Variants in FBXO34 observed in about 807,000 individuals in gnomAD.
FBXO34 encodes F-box protein 34.
FBXO34 carries 12 observed loss-of-function variants against 24.5 expected under a neutral mutation model. The ratio of observed to expected loss-of-function variants is 0.49; its 90% CI spans 0.31 to 0.79. The LOEUF is 0.79. FBXO34 is among the 30% of genes least tolerant of loss of function. The probability of loss-of-function intolerance (pLI) is 0.04; values close to 1 mark genes in which losing one functional copy is unlikely to be tolerated. For synonymous variants in FBXO34, 320 were observed against 311.9 expected (o/e 1.03, Z -0.27); for missense variants, 823 against 857.7 (o/e 0.96, Z 0.51).
In FBXO34 at chr14:55,341,112, AG is replaced by A. The variant is rs541812294; in HGVS notation, c.-10-9267del. On this transcript the variant is annotated intron_variant, in intron 1 of 1. Coordinates refer to ENST00000313833, the MANE Select transcript of FBXO34 (RefSeq NM_017943.4). ...AGCGGGGTCTTGCAGCAAAGGAAAG[AG>A]GTTGGGCTCAACTCCAAATACATCA... is the stretch of plus-strand genomic sequence containing the variant. Among the ~76,000 whole-genome samples, 1,045 of 152,312 alleles carry A rather than the reference AG, an allele frequency of 6.9e-3. 22 individuals are homozygous for A. The highest frequency in any genetic ancestry group is 7.0e-3 in the Non-Finnish European group (473 of 68,036).
At chr14:55,326,312 A>C (rs953483762) in intron 1 of FBXO34, among the ~76,000 whole-genome samples, 2 of 151,978 alleles carry the variant, frequency 1.3e-5, no homozygotes, top group African/African-American at 4.8e-5. Context: ...GATCTGGGGG[A>C]CTAGATAATT....
intron 1 of FBXO34, among the ~76,000 whole-genome samples, chr14:55,341,894 T>C (rs1455060663): frequency 1.3e-5 from 2 of 152,208 alleles, no homozygotes; most frequent in African/African-American, 2.4e-5. Context: ...TGTTATTTAA[T>C]AATTCACAAC....
chr14:55,404,844 T>C, the FBXO34 span, among the ~76,000 whole-genome samples: 1 of 152,322 alleles, frequency 6.6e-6, no homozygotes, highest in South Asian at 2.1e-4. Flanking sequence ...TTAAGATTAG[T>C]ATAACCCAGG....
intron 1 of FBXO34, among the ~76,000 whole-genome samples, chr14:55,284,530 A>AC (rs1377681352): frequency 2.9e-5 from 4 of 140,100 alleles, no homozygotes; most frequent in African/African-American, 9.9e-5. Flanking sequence ...AAAAAAAAAA[A>AC]AAGTGAATGA....
At chr14:55,380,563 A>T in the FBXO34 span, 2 of 1,551,730 alleles carry the variant, frequency 1.3e-6, no homozygotes, top group Non-Finnish European at 1.8e-6. Context: ...TACCACCTTC[A>T]ATTACTTGCC....
chr14:55,272,587 G>A, intron 1 of FBXO34, among the ~76,000 whole-genome samples: 1 of 150,428 alleles, frequency 6.6e-6, no homozygotes, highest in Non-Finnish European at 1.5e-5. Flanking sequence ...TTAGAAAATG[G>A]CCAGGAGGAG....
the FBXO34 span, chr14:55,378,173 T>C: frequency 2.1e-6 from 2 of 974,694 alleles, no homozygotes; most frequent in Admixed American, 2.4e-5. Flanking sequence ...ACATACTCTG[T>C]GCCCTTTTAC....
chr14:55,413,751 G>C, the FBXO34 span: 1 of 313,388 alleles, frequency 3.2e-6, no homozygotes, highest in Non-Finnish European at 6.3e-6. Flanking sequence ...GGCCCAGGCA[G>C]ATGGATCAAC....
intron 1 of FBXO34, among the ~76,000 whole-genome samples, chr14:55,336,989 T>A (rs1483974975): frequency 2.6e-5 from 4 of 150,948 alleles, no homozygotes; most frequent in Non-Finnish European, 4.4e-5. Flanking sequence ...ATTTTTTTTT[T>A]TTTTTTGAGA....
downstream of FBXO34, chr14:55,366,900 A>G (rs1353318071): frequency 1.3e-5 from 2 of 152,802 alleles, no homozygotes; most frequent in East Asian, 1.9e-4. Flanking sequence ...TGAAATGTAT[A>G]CTTAAGAGTA....
At chr14:55,434,841 T>C in the FBXO34 span, among the ~76,000 whole-genome samples, 1 of 152,212 alleles carries the variant, frequency 6.6e-6, no homozygotes. Context: ...TTCCTACGAA[T>C]GTGACCTTTT....
chr14:55,433,723 T>C, the FBXO34 span: 1 of 1,613,402 alleles, frequency 6.2e-7, no homozygotes, highest in African/African-American at 1.3e-5. Flanking sequence ...AGCAAACCTC[T>C]ATACCCAGAA....
At chr14:55,304,259 C>T (rs1882463033) in intron 1 of FBXO34, among the ~76,000 whole-genome samples, 1 of 152,172 alleles carries the variant, frequency 6.6e-6, no homozygotes, top group Admixed American at 6.5e-5. Context: ...TTAGGAATAG[C>T]AGATTATTTT....
chr14:55,309,330 T>G (rs1882657226), intron 1 of FBXO34, among the ~76,000 whole-genome samples: 1 of 152,112 alleles, frequency 6.6e-6, no homozygotes, highest in African/African-American at 2.4e-5. Flanking sequence ...GGGGGAGATG[T>G]CTCTACAGCA....
chr14:55,409,440 T>C, the FBXO34 span, among the ~76,000 whole-genome samples: 1 of 151,564 alleles, frequency 6.6e-6, no homozygotes. Context: ...AATTAATATG[T>C]ACAACCATCA....
Position 55,352,043 on chromosome 14 carries a change from G to A in FBXO34, c.1653G>A (p.Lys551=), listed in dbSNP as rs563366149. The A allele has an allele frequency of 6.2e-7, 1 of 1,614,222 alleles. No individual in the cohort carries two copies. The highest frequency in any genetic ancestry group is 1.1e-5 in the South Asian group (1 of 91,082). The change falls in exon 2 of 2, where the codon AAG becomes AAA. Residue 551 remains lysine (K), a synonymous_variant. Transcript: ENST00000313833. ...TLPVLEASSW[K]KQVSHDFLET... is the part of the protein sequence containing the mutation. ...CAGTGCTTGAGGCATCCAGTTGGAAGAAGCAGGTGTCGCATGACTTCCTGG... is the reference window on the plus strand; with the variant it reads ...CAGTGCTTGAGGCATCCAGTTGGAAAAAGCAGGTGTCGCATGACTTCCTGG...
At position 55,310,770 on chromosome 14, in the gene FBXO34, T is replaced by G. The variant is rs73263926; in HGVS notation, c.-11+39233T>G. Among the ~76,000 whole-genome samples the G allele has an allele frequency of 9.3e-3, 1,417 of 152,320 alleles. 30 individuals carry two copies. The highest frequency in any genetic ancestry group is 0.033 in the African/African-American group (1,369 of 41,578). On this transcript the variant is annotated intron_variant, in intron 1 of 1. Transcript: ENST00000313833. ...TCTGCCTTGGCTGGACTATATCTATTTGCAGATTGCCTCAATTCTCTTTGC... is the reference window on the plus strand; with the variant it reads ...TCTGCCTTGGCTGGACTATATCTATGTGCAGATTGCCTCAATTCTCTTTGC...
chr14:55,303,400 C>G (rs1053096031), intron 1 of FBXO34, among the ~76,000 whole-genome samples: 1 of 152,128 alleles, frequency 6.6e-6, no homozygotes, highest in Admixed American at 6.5e-5. Context: ...TGTAGCTTCT[C>G]TTAGGGCAGA....
intron 1 of FBXO34, among the ~76,000 whole-genome samples, chr14:55,283,723 T>C (rs1202546126): frequency 6.6e-6 from 1 of 152,184 alleles, no homozygotes; most frequent in Non-Finnish European, 1.5e-5. Flanking sequence ...CCTCCCAAAG[T>C]GCTGGGATTA....
Sources: allele counts gnomAD v4.1 joint callset (sites outside exome capture counted in the v4.1 genomes callset), GRCh38; gene constraint gnomAD v4.1.1; transcripts MANE v1.5; gene names NCBI Gene and HGNC (gene_info 2026-07-23, HGNC 2026-07-21).